The following CORO2A variants were observed in gnomAD, a reference collection of about 807,000 sequenced individuals.
CORO2A encodes the protein coronin-2A.
A neutral mutation model predicts 62.4 loss-of-function variants in CORO2A; 47 were observed. That is an observed-to-expected ratio of 0.75 (90% CI 0.60 to 0.96). CORO2A has a LOEUF of 0.96. Ranked by LOEUF, CORO2A falls within the 40% of genes least tolerant of loss-of-function variation. The pLI is 0.00. For missense variants in CORO2A, 610 were observed against 684.1 expected, an observed-to-expected ratio of 0.89 and a Z score of 1.21; for synonymous variants, 273 against 268.9, an observed-to-expected ratio of 1.02 and a Z score of -0.15.
chr9:98,125,375 C>CTAG (rs952415661), intron 11 of CORO2A, among the ~76,000 whole-genome samples: 1 of 152,150 alleles, frequency 6.6e-6, no homozygotes, highest in African/African-American at 2.4e-5. Context: ...GGTGGCAGTG[C>CTAG]TAGTGTCCCC....
chr9:98,153,670 A>ACACACACACACACACACACACACT (rs1827759848), intron 2 of CORO2A, among the ~76,000 whole-genome samples: 2 of 151,160 alleles, frequency 1.3e-5, no homozygotes, highest in African/African-American at 4.9e-5. Context: ...ACACACACAC[A>ACACACACACACACACACACACACT]CACACACACA....
chr9:98,129,996 G>T, intron 7 of CORO2A, 106 bp from the exon 8 acceptor site: 1 of 773,266 alleles, frequency 1.3e-6, no homozygotes, highest in Non-Finnish European at 2.2e-6. Flanking sequence ...TTGATGATCG[G>T]CAAACCCATC....
At chr9:98,150,160 T>C (rs1228865160) in intron 2 of CORO2A, among the ~76,000 whole-genome samples, 2 of 152,148 alleles carry the variant, frequency 1.3e-5, no homozygotes, top group East Asian at 3.9e-4. Flanking sequence ...CTCAAACTCC[T>C]GACCTCGTGA....
intron 1 of CORO2A, among the ~76,000 whole-genome samples, chr9:98,159,254 G>A (rs1827850839): frequency 6.6e-6 from 1 of 151,838 alleles, no homozygotes; most frequent in African/African-American, 2.4e-5. Flanking sequence ...TTGCCATGTT[G>A]CCCAGGCTGG....
intron 1 of CORO2A, among the ~76,000 whole-genome samples, chr9:98,182,935 C>T (rs546445801): frequency 2.6e-5 from 4 of 152,224 alleles, no homozygotes; most frequent in Non-Finnish European, 4.4e-5. Context: ...TAAGCCCTGC[C>T]TTGAATGAAA....
At chr9:98,143,774 T>G (rs1201535) in intron 2 of CORO2A, among the ~76,000 whole-genome samples, 115,823 of 152,088 alleles carry the variant, frequency 0.76, 44,428 homozygotes, top group African/African-American at 0.82. Flanking sequence ...CTGTTCTGCA[T>G]GGGGACTCCC....
In CORO2A at chr9:98,157,614, A is replaced by C. The variant is rs780529144; in HGVS notation, c.47T>G (p.Phe16Cys). The change falls in exon 2 of 12, where the codon TTT becomes TGT. Residue 16 changes from phenylalanine (F) to cysteine (C), a missense_variant. Phe to Cys is a radical substitution (Grantham distance 205). Transcript: ENST00000375077. ...GTTCTCCTTGCTGGCTGGTTTGCCA[A>C]AGACATGACGGAACTTGGAGCTCCG... Reference protein sequence around the residue: ...QYRSSKFRHVFGKPASKENCY... With the variant: ...QYRSSKFRHVCGKPASKENCY... 1 of 1,613,972 alleles carries C rather than the reference A, an allele frequency of 6.2e-7. No homozygotes were observed. The highest frequency in any genetic ancestry group is 1.7e-5 in the Admixed American group (1 of 60,012).
intron 1 of CORO2A, among the ~76,000 whole-genome samples, chr9:98,170,468 G>A (rs991980393): frequency 2.0e-5 from 3 of 152,180 alleles, no homozygotes; most frequent in African/African-American, 7.2e-5. Context: ...TTGAAACAGA[G>A]TCTCGCTCTG....
At chr9:98,144,056 A>T (rs1827609693) in intron 2 of CORO2A, among the ~76,000 whole-genome samples, 1 of 152,048 alleles carries the variant, frequency 6.6e-6, no homozygotes, top group Admixed American at 6.6e-5. Context: ...CGGTGTAGGG[A>T]TGCACACCTG....
At chr9:98,172,245 C>T (rs1305534234) in intron 1 of CORO2A, among the ~76,000 whole-genome samples, 1 of 150,400 alleles carries the variant, frequency 6.6e-6, no homozygotes, top group Non-Finnish European at 1.5e-5. Flanking sequence ...AGCCCCACGC[C>T]CTACTTCCGA....
intron 10 of CORO2A, 54 bp from the exon 11 acceptor site, chr9:98,126,877 T>TATGGGGCACCA (rs1297518325): frequency 6.3e-7 from 1 of 1,585,564 alleles, no homozygotes; most frequent in East Asian, 2.2e-5. Context: ...AAGATGGGCA[T>TATGGGGCACCA]ATGGGGCACC....
rs1270962018 is a variant in CORO2A at position 98,123,176 on chromosome 9, G to C, written c.*1598C>G. 1 of 152,172 alleles carries C rather than the reference G, an allele frequency of 6.6e-6. No individual in the cohort carries two copies. Among genetic ancestry groups the C allele is most frequent in the African/African-American group, 2.4e-5 (1 of 41,436 alleles). The allele number at this position is 152,172 out of a possible 1,614,324, so 9.4% of individuals were successfully genotyped here. Reference sequence around the variant, plus strand: ...GGCACAGCTGAGGCCAGAAGCAACAGATTTCTACTCTTTGGGCTGAGAACT... The same window carrying C: ...GGCACAGCTGAGGCCAGAAGCAACACATTTCTACTCTTTGGGCTGAGAACT... On this transcript the variant is annotated 3_prime_UTR_variant, in exon 12 of 12. Transcript: ENST00000375077.
rs1231854135 is a variant in CORO2A, at chr9:98,175,412, C to A, written c.-1+17147G>T. On this transcript the variant is annotated intron_variant, in intron 1 of 11. Transcript: ENST00000375077. ...GGACCAGGGACCCCCTAATTAGCAC[C>A]AACTCCCACTGGGCTTCAGCAGGGA... 2.0e-5 allele frequency among the ~76,000 whole-genome samples: 3 copies of A among 152,192 alleles called. No homozygotes were observed. In the East Asian group the frequency reaches 5.8e-4, roughly 29 times the overall value.
chr9:98,154,352 TACAC>T (rs1554745024), intron 2 of CORO2A, among the ~76,000 whole-genome samples: 57 of 93,942 alleles, frequency 6.1e-4, no homozygotes, highest in African/African-American at 9.7e-4. Context: ...TATATATATA[TACAC>T]AAATACATAT....
intron 2 of CORO2A, 173 bp downstream of exon 2, chr9:98,157,287 G>T: frequency 1.6e-6 from 1 of 620,692 alleles, no homozygotes; most frequent in Non-Finnish European, 2.8e-6. Context: ...ATTCAGGACA[G>T]GTGTATTTTT....
chr9:98,129,112 A>G (rs1827369599), intron 8 of CORO2A, among the ~76,000 whole-genome samples: 1 of 152,058 alleles, frequency 6.6e-6, no homozygotes, highest in Non-Finnish European at 1.5e-5. Flanking sequence ...TTGTAGAGAC[A>G]GGAGTCTCAC....
At chr9:98,191,045 G>C (rs1402429346) in intron 1 of CORO2A, among the ~76,000 whole-genome samples, 1 of 152,202 alleles carries the variant, frequency 6.6e-6, no homozygotes. Flanking sequence ...ACCTGTCCAG[G>C]GGCCTCCTGC....
intron 2 of CORO2A, among the ~76,000 whole-genome samples, chr9:98,138,429 A>T (rs1400582082): frequency 2.0e-5 from 3 of 152,090 alleles, no homozygotes; most frequent in Non-Finnish European, 4.4e-5. Flanking sequence ...AAAAAAAAGA[A>T]ACTGGTTCAC....
chr9:98,186,028 ACAC>A (rs1828235014), intron 1 of CORO2A, among the ~76,000 whole-genome samples: 1 of 152,218 alleles, frequency 6.6e-6, no homozygotes, highest in African/African-American at 2.4e-5. Context: ...CCCAGGGAAC[ACAC>A]GCCTGCCCCT....
Sources: allele counts gnomAD v4.1 joint callset (sites outside exome capture counted in the v4.1 genomes callset), GRCh38; gene constraint gnomAD v4.1.1; transcripts MANE v1.5; gene names NCBI Gene and HGNC (gene_info 2026-07-23, HGNC 2026-07-21).